NDRG2: variants seen among roughly 807,000 people sequenced by gnomAD.
The protein encoded by NDRG2 is protein NDRG2.
Under a neutral mutation model 58.2 loss-of-function variants are expected in NDRG2, and 34 were observed. The ratio of observed to expected loss-of-function variants is 0.58; its 90% confidence interval spans 0.44 to 0.78. NDRG2 has a LOEUF of 0.78. NDRG2 is among the 30% of genes least tolerant of loss of function. The probability of loss-of-function intolerance (pLI) is 0.00; values close to 1 mark genes in which losing one functional copy is unlikely to be tolerated. For missense variants in NDRG2, 434 were observed against 471.2 expected, an observed-to-expected ratio of 0.92 and a Z score of 0.73; for synonymous variants, 187 against 175.9, an observed-to-expected ratio of 1.06 and a Z score of -0.50.
At chr14:21,039,053 G>A (rs548627304) in intron 1 of NDRG2, among the ~76,000 whole-genome samples, 1 of 152,308 alleles carries the variant, frequency 6.6e-6, no homozygotes, top group East Asian at 1.9e-4. Context: ...GCTTGGAAGG[G>A]AACTCTCACG....
intron 1 of NDRG2, among the ~76,000 whole-genome samples, chr14:21,041,576 A>AAG (rs1440390798): frequency 1.3e-4 from 20 of 152,196 alleles, no homozygotes; most frequent in Non-Finnish European, 2.9e-4. Context: ...TGCTCCACAC[A>AAG]GCTGTAACCA....
intron 1 of NDRG2, chr14:21,034,107 C>T: frequency 1.9e-6 from 3 of 1,614,178 alleles, no homozygotes; most frequent in Non-Finnish European, 2.5e-6. Context: ...TTGCATCTTG[C>T]CTCGCATATA....
At chr14:21,055,506 G>T (rs540954004) in intron 1 of NDRG2, among the ~76,000 whole-genome samples, 2 of 152,162 alleles carry the variant, frequency 1.3e-5, no homozygotes, top group Non-Finnish European at 2.9e-5. Context: ...TGTGGCAGTG[G>T]GGAAAACTCA....
rs964656411 is a variant in NDRG2, at chr14:21,070,490, C to T, written c.24+338G>A. The T allele has an allele frequency of 3.0e-6, 4 of 1,328,204 alleles. No homozygotes were observed. The African/African-American group carries it at 6.1e-5, about 20-fold the overall frequency. The allele number at this position is 1,328,204 out of a possible 1,614,324, so 82.3% of individuals were successfully genotyped here. ...GTCCTCAGCCTGGTGCCTCCCGAGC[C>T]TGCCTCGGACTGTTCGGCCCCTCTG... On this transcript the variant is annotated intron_variant, in intron 1 of 14. Transcript: ENST00000403829. The surrounding 1 kb of genome is among the most constrained non-coding windows in gnomAD (Gnocchi z 4.7).
chr14:21,026,691 C>G (rs943881836), upstream of NDRG2, among the ~76,000 whole-genome samples: 2 of 152,008 alleles, frequency 1.3e-5, no homozygotes, highest in Non-Finnish European at 2.9e-5. Flanking sequence ...AGGAGCTCCC[C>G]CTACATCCCC....
chr14:21,057,449 A>C (rs1885724689), intron 1 of NDRG2, among the ~76,000 whole-genome samples: 3 of 151,830 alleles, frequency 2.0e-5, no homozygotes, highest in South Asian at 4.2e-4. Flanking sequence ...AAAAAAAAAA[A>C]GATTTAGTTT....
rs367554183 is a variant in NDRG2, at chr14:21,019,905, C to CCT, written c.612+13_612+14dup. The CCT allele has an allele frequency of 5.2e-5, 84 of 1,613,852 alleles. No individual in the cohort carries two copies. The Middle Eastern group carries it at 6.6e-4, about 13-fold the overall frequency. ...TGCTCCCGTCGACTCTTCTACATCTCCTACACCCACTTACCTGGCTGAAAA... is the reference window on the plus strand; with the variant it reads ...TGCTCCCGTCGACTCTTCTACATCTCCTCTACACCCACTTACCTGGCTGAAAA... On this transcript the variant is annotated intron_variant, in intron 9 of 15. Transcript: ENST00000556147.
chr14:21,022,437 G>A lies in NDRG2; in HGVS notation c.178C>T (p.Pro60Ser), dbSNP rs752665338. ...VTFTVYGTPK[P>S]KRPAILTYHD... ...TAGGTAAGGATCGCTGGGCGTTTGG[G>A]TTTGGGGGTGCCATAGACAGTGAAA... Residue 60 changes from proline to serine, a missense_variant, in exon 4 of 16, where the codon CCC becomes TCC. Coordinates refer to ENST00000556147, the MANE Select transcript of NDRG2 (RefSeq NM_001320329.2). 3 of 1,614,100 alleles carry A rather than the reference G, an allele frequency of 1.9e-6. No individual in the cohort carries two copies. The highest frequency in any genetic ancestry group is 2.5e-6 in the Non-Finnish European group (3 of 1,180,010).
chr14:21,069,226 C>G (rs954567850), intron 1 of NDRG2, among the ~76,000 whole-genome samples: 2 of 152,222 alleles, frequency 1.3e-5, no homozygotes, highest in African/African-American at 4.8e-5. Flanking sequence ...ATCTGGCCTT[C>G]CTTTCTCATT....
chr14:21,027,624 A>G (rs1458770137), upstream of NDRG2, among the ~76,000 whole-genome samples: 1 of 152,244 alleles, frequency 6.6e-6, no homozygotes, highest in African/African-American at 2.4e-5. Context: ...CTTTGAAGTA[A>G]GTTTCTGTCA....
intron 1 of NDRG2, among the ~76,000 whole-genome samples, chr14:21,041,057 T>C (rs1884874491): frequency 6.6e-6 from 1 of 152,102 alleles, no homozygotes; most frequent in Non-Finnish European, 1.5e-5. Context: ...AGTGGTGCAA[T>C]CATGATTTTC....
upstream of NDRG2, chr14:21,030,846 G>A (rs2139074259): frequency 2.0e-6 from 3 of 1,521,934 alleles, no homozygotes; most frequent in Non-Finnish European, 1.8e-6. Context: ...TTTGCAGTGG[G>A]CCTACCAAGC....
chr14:21,057,428 C>A (rs1885723525), intron 1 of NDRG2, among the ~76,000 whole-genome samples: 1 of 150,452 alleles, frequency 6.6e-6, no homozygotes, highest in African/African-American at 2.4e-5. Flanking sequence ...AAGAGCGAAA[C>A]TCCATCTCAA....
chr14:21,031,831 G>A (rs1884193248), intron 1 of NDRG2: 2 of 1,548,308 alleles, frequency 1.3e-6, no homozygotes, highest in South Asian at 2.4e-5. Context: ...GGCCATCTTT[G>A]GGGAAGGGAT....
At chr14:21,032,230 C>A in intron 1 of NDRG2, 1 of 821,184 alleles carries the variant, frequency 1.2e-6, no homozygotes, top group Non-Finnish European at 2.0e-6. Flanking sequence ...GGAGAAGAGG[C>A]AGCACAGGAG....
upstream of NDRG2, among the ~76,000 whole-genome samples, chr14:21,026,917 C>T (rs1390488376): frequency 6.6e-6 from 1 of 152,132 alleles, no homozygotes; most frequent in East Asian, 1.9e-4. Flanking sequence ...TCATCAGCAC[C>T]AGAGGAACCT....
intron 3 of NDRG2, 143 bp from the exon 4 acceptor site, chr14:21,022,640 G>C: frequency 5.8e-6 from 4 of 690,050 alleles, no homozygotes; most frequent in Non-Finnish European, 9.8e-6. Context: ...CAAGAATTGA[G>C]GAAAACATGA....
At chr14:21,039,387 T>C (rs1208343334) in intron 1 of NDRG2, among the ~76,000 whole-genome samples, 1 of 152,204 alleles carries the variant, frequency 6.6e-6, no homozygotes, top group Non-Finnish European at 1.5e-5. Context: ...AAGGGACTTT[T>C]TCTTCCCTTC....
intron 1 of NDRG2, chr14:21,042,556 A>C: frequency 5.3e-6 from 1 of 188,360 alleles, no homozygotes; most frequent in South Asian, 1.0e-4. Flanking sequence ...GACTGGATTT[A>C]GGGGAGATGA....
Sources: gnomAD v4.1 joint callset for allele counts (sites outside exome capture counted in the v4.1 genomes callset) on GRCh38, gnomAD v4.1.1 for gene constraint, Gnocchi (gnomAD v3.1) non-coding constraint, MANE v1.5 for transcripts, NCBI Gene and HGNC (gene_info 2026-07-23, HGNC 2026-07-21) for gene names.